DMD: variants seen among roughly 807,000 people sequenced by gnomAD.
The protein encoded by DMD is mutant dystrophin.
Under a neutral mutation model 330.1 loss-of-function variants are expected in DMD, and 63 were observed. That is an observed-to-expected ratio of 0.19 (90% confidence interval 0.16 to 0.24). The LOEUF (loss-of-function observed/expected upper bound fraction) is 0.24. Among genes scored for constraint, DMD ranks in the 10% least tolerant of loss-of-function variants. DMD has a pLI of 1.00. For synonymous variants in DMD, 1,223 were observed against 959.8 expected (o/e 1.27, Z -5.07); for missense variants, 3,344 against 2,684.1 (o/e 1.25, Z -5.43).
chrX:32,837,349 G>A (rs1448629631), intron 4 of DMD, among the ~76,000 whole-genome samples: 2 of 111,570 alleles, frequency 1.8e-5, no homozygotes, highest in African/African-American at 3.3e-5. Context: ...AACACTGGAG[G>A]ATTCTATGGA....
At chrX:32,178,940 T>A (rs1483867779) in intron 44 of DMD, among the ~76,000 whole-genome samples, 1 of 68,619 alleles carries the variant, frequency 1.5e-5, no homozygotes, top group East Asian at 5.0e-4. Flanking sequence ...AAACCCCAGA[T>A]TCTCTCTCTC....
chrX:31,183,656 G>GT (rs769108175), intron 67 of DMD, among the ~76,000 whole-genome samples: 7 of 110,484 alleles, frequency 6.3e-5, no homozygotes, highest in Admixed American at 3.8e-4. Context: ...ATTATACCTT[G>GT]TTTTTTTCAA....
At chrX:32,005,441 T>A (rs1463204659) in intron 44 of DMD, among the ~76,000 whole-genome samples, 1 of 111,138 alleles carries the variant, frequency 9.0e-6, no homozygotes, top group African/African-American at 3.3e-5. Context: ...TCTTGATGAA[T>A]TCTTTCTTGG....
At position 31,292,572 on chromosome X, in the gene DMD, T is replaced by C. The variant is rs565230613; in HGVS notation, c.9224+31026A>G. On this transcript the variant is annotated intron_variant, in intron 62 of 78. Coordinates refer to ENST00000357033, the MANE Select transcript of DMD (RefSeq NM_004006.3). ...GGAGTATCTACTAAAGCTCAGCATA[T>C]GCCTACCCTCAACATAGGCAATTTT... Among the ~76,000 whole-genome samples, 33 of 111,649 alleles carry C rather than the reference T, an allele frequency of 3.0e-4. 1 individual carries two copies. In the South Asian group the frequency reaches 9.7e-3, roughly 33 times the overall value.
chrX:31,309,599 C>A (rs1027191619), intron 62 of DMD, among the ~76,000 whole-genome samples: 6 of 111,758 alleles, frequency 5.4e-5, no homozygotes, highest in African/African-American at 9.8e-5. Context: ...TCACACAAAT[C>A]TCAGATTCTT....
chrX:32,417,620 C>T (rs1309875643), intron 29 of DMD, among the ~76,000 whole-genome samples: 4 of 111,410 alleles, frequency 3.6e-5, no homozygotes, highest in African/African-American at 6.5e-5. Context: ...GTCAAGTGAA[C>T]GTGGAAGAAG....
intron 17 of DMD, among the ~76,000 whole-genome samples, chrX:32,538,880 T>C (rs1603635805): frequency 9.1e-6 from 1 of 110,238 alleles, no homozygotes; most frequent in Admixed American, 9.6e-5. Context: ...GCTTGTAAAA[T>C]ATTTTTGGGC....
intron 2 of DMD, among the ~76,000 whole-genome samples, chrX:32,992,000 A>G (rs2092991482): frequency 8.9e-6 from 1 of 112,324 alleles, no homozygotes. Context: ...CAAAACTATT[A>G]TGCCAGAACA....
intron 43 of DMD, among the ~76,000 whole-genome samples, chrX:32,281,301 A>C (rs190066475): frequency 9.5e-4 from 107 of 112,500 alleles, no homozygotes; most frequent in Non-Finnish European, 5.3e-4. Flanking sequence ...TCAGGGGTCC[A>C]TGGTGAAATG....
intron 43 of DMD, among the ~76,000 whole-genome samples, chrX:32,267,228 C>CA (rs1473429445): frequency 3.6e-5 from 4 of 112,248 alleles, no homozygotes; most frequent in African/African-American, 1.3e-4. Context: ...CTACATCCAG[C>CA]CTTGTTCATG....
At position 32,870,980 on chromosome X, in the gene DMD, A is replaced by AAAAAAAAAAAAAAG. The variant is rs770375159; in HGVS notation, c.94-21161_94-21160insCTTTTTTTTTTTTT. Among the ~76,000 whole-genome samples, 60 of 37,214 alleles carry AAAAAAAAAAAAAAG rather than the reference A, an allele frequency of 1.6e-3. 2 individuals carry two copies. Among genetic ancestry groups the AAAAAAAAAAAAAAG allele is most frequent in the Non-Finnish European group, 1.9e-3 (36 of 18,729 alleles). 32.3% of individuals were successfully genotyped at this position (37,214 alleles called of 115,157 possible). On this transcript the variant is annotated intron_variant, in intron 2 of 78. Transcript: ENST00000357033. ...CAGCAAAAAAAAAAAAAAAAAAAAA[A>AAAAAAAAAAAAAAG]AAAAAAAACCACAAAACCCATCATC...
intron 44 of DMD, among the ~76,000 whole-genome samples, chrX:32,087,102 G>C (rs1724829398): frequency 9.0e-6 from 1 of 111,685 alleles, no homozygotes; most frequent in South Asian, 3.7e-4. Context: ...CTAGGAAAGA[G>C]TATAATGTAA....
At chrX:33,207,644 G>A (rs1214892452) in intron 1 of DMD, among the ~76,000 whole-genome samples, 1 of 111,119 alleles carries the variant, frequency 9.0e-6, no homozygotes, top group Non-Finnish European at 1.9e-5. Context: ...CCATGGTGTT[G>A]CCATTTTAAC....
chrX:33,032,585 T>C (rs987019457), intron 1 of DMD, among the ~76,000 whole-genome samples: 7 of 112,156 alleles, frequency 6.2e-5, no homozygotes, highest in Non-Finnish European at 1.3e-4. Flanking sequence ...TTCCAAAAAT[T>C]GCCCTTTCAG....
chrX:31,917,230 G>A (rs2149904976), intron 47 of DMD, among the ~76,000 whole-genome samples: 1 of 111,986 alleles, frequency 8.9e-6, no homozygotes, highest in East Asian at 2.8e-4. Context: ...GTTTCAGTAA[G>A]TCATCAATTA....
At chrX:32,928,593 A>T (rs2089296825) in intron 2 of DMD, among the ~76,000 whole-genome samples, 1 of 112,074 alleles carries the variant, frequency 8.9e-6, no homozygotes, top group South Asian at 3.7e-4. Context: ...AATCCGTTTC[A>T]TCAGGTAACC....
intron 48 of DMD, among the ~76,000 whole-genome samples, chrX:31,865,628 G>A (rs2093784214): frequency 2.1e-5 from 1 of 48,438 alleles, no homozygotes; most frequent in Non-Finnish European, 3.9e-5. Flanking sequence ...CTGATTAATT[G>A]GGAATCCATT....
At chrX:33,065,945 T>C (rs183232441) in intron 1 of DMD, among the ~76,000 whole-genome samples, 1 of 111,320 alleles carries the variant, frequency 9.0e-6, no homozygotes, top group East Asian at 2.8e-4. Context: ...TGGGCAATGC[T>C]ATATAGATGA....
At chrX:31,813,143 T>C (rs2092512775) in intron 50 of DMD, among the ~76,000 whole-genome samples, 1 of 111,666 alleles carries the variant, frequency 9.0e-6, no homozygotes, top group Middle Eastern at 4.7e-3. Context: ...TCTGCCAAAA[T>C]GGGAAGAAAG....
Sources: allele counts gnomAD v4.1 joint callset (sites outside exome capture counted in the v4.1 genomes callset), GRCh38; gene constraint gnomAD v4.1.1; transcripts MANE v1.5; gene names NCBI Gene and HGNC (gene_info 2026-07-23, HGNC 2026-07-21).